Variants in CCDC63 observed in about 807,000 individuals in gnomAD.
CCDC63 encodes coiled-coil domain containing 63.
Under a neutral mutation model 63.6 loss-of-function variants are expected in CCDC63, and 54 were observed. That is an observed-to-expected ratio of 0.85 (90% CI 0.68 to 1.07). The LOEUF (loss-of-function observed/expected upper bound fraction) is 1.07, where lower values mean the gene tolerates loss of function less well. CCDC63 is among the 50% of genes least tolerant of loss of function. CCDC63 has a pLI of 0.00. For missense variants in CCDC63, 637 were observed against 689.6 expected (o/e 0.92, Z 0.86); for synonymous variants, 253 against 266.1 (o/e 0.95, Z 0.48).
intron 1 of CCDC63, among the ~76,000 whole-genome samples, chr12:110,852,252 G>T (rs2070713225): frequency 6.6e-6 from 1 of 152,206 alleles, no homozygotes; most frequent in African/African-American, 2.4e-5. Context: ...GGGACACACT[G>T]CCCCGATGCC....
At position 110,852,778 on chromosome 12, in the gene CCDC63, G is replaced by A. The variant is rs532955443; in HGVS notation, c.-96-81G>A. On this transcript the variant is annotated intron_variant, in intron 1 of 11. Transcript: ENST00000308208. ...TGTGGGTGGAGGAAGGGATGGCAGG[G>A]GGAGGGAGGAGGTGCCGTTCTGACC... 13 of 835,880 alleles carry A rather than the reference G, an allele frequency of 1.6e-5. No individual in the cohort carries two copies. In the South Asian group the frequency reaches 1.9e-4, roughly 12 times the overall value. 51.8% of individuals were successfully genotyped at this position (835,880 alleles called of 1,614,324 possible). A position where few individuals can be genotyped will look rare whatever the true frequency, so the allele number is the denominator to read the frequency against.
At chr12:110,851,584 A>C (rs1394799094) in intron 1 of CCDC63, among the ~76,000 whole-genome samples, 1 of 151,948 alleles carries the variant, frequency 6.6e-6, no homozygotes, top group Non-Finnish European at 1.5e-5. Flanking sequence ...CGGATGCCCC[A>C]ATCTTGAAGG....
intron 4 of CCDC63, among the ~76,000 whole-genome samples, chr12:110,871,616 G>A (rs903213529): frequency 6.7e-6 from 1 of 148,970 alleles, no homozygotes; most frequent in Non-Finnish European, 1.5e-5. Context: ...CAAGACTGGA[G>A]TGCAGTGGTG....
intron 4 of CCDC63, among the ~76,000 whole-genome samples, chr12:110,868,993 G>A (rs2136676058): frequency 6.6e-6 from 1 of 152,262 alleles, no homozygotes; most frequent in African/African-American, 2.4e-5. Context: ...CAGCCCACTA[G>A]TGTAGATTTT....
At chr12:110,856,844 C>CTTTTTTTT (rs34855503) in intron 3 of CCDC63, among the ~76,000 whole-genome samples, 1 of 115,550 alleles carries the variant, frequency 8.7e-6, no homozygotes. Context: ...CCTTTCCTTT[C>CTTTTTTTT]TTTTTTTTTT....
In CCDC63 at chr12:110,896,285, C is replaced by T. The variant is rs762796171; in HGVS notation, c.1150-2648C>T. Among the ~76,000 whole-genome samples the T allele has an allele frequency of 3.8e-4, 58 of 152,084 alleles. 1 individual carries two copies. Among genetic ancestry groups the T allele is most frequent in the Non-Finnish European group, 7.8e-4 (53 of 68,030 alleles). ...CCTCCTAGTGTGCTGGGATTATAGG[C>T]GTGAGCCACCATGCCTGGCCTAATG... On this transcript the variant is annotated intron_variant, in intron 9 of 11. Coordinates refer to ENST00000308208, the MANE Select transcript of CCDC63 (RefSeq NM_152591.3).
At chr12:110,906,633 G>A (rs775299680) in intron 11 of CCDC63, among the ~76,000 whole-genome samples, 3 of 151,824 alleles carry the variant, frequency 2.0e-5, no homozygotes, top group Non-Finnish European at 4.4e-5. Flanking sequence ...ACAAGCACAC[G>A]TGCACACACA....
At chr12:110,859,120 T>C (rs986995634) in intron 4 of CCDC63, among the ~76,000 whole-genome samples, 3 of 152,210 alleles carry the variant, frequency 2.0e-5, no homozygotes, top group African/African-American at 7.2e-5. Flanking sequence ...TTTAAAACTT[T>C]AAGGTTTCTT....
At chr12:110,862,868 G>A (rs1174386504) in intron 4 of CCDC63, among the ~76,000 whole-genome samples, 2 of 151,406 alleles carry the variant, frequency 1.3e-5, no homozygotes, top group Non-Finnish European at 1.5e-5. Context: ...CAATCCTCCT[G>A]CCTCAGCCTC....
At chr12:110,846,517 T>TCC (rs202164177), upstream of CCDC63, among the ~76,000 whole-genome samples, 3 of 150,548 alleles carry the variant, frequency 2.0e-5, no homozygotes, top group African/African-American at 7.4e-5. Flanking sequence ...AATATCTCTT[T>TCC]CCCCCCCCGC....
intron 11 of CCDC63, 151 bp downstream of exon 11, chr12:110,904,942 G>T: frequency 1.8e-6 from 1 of 554,332 alleles, no homozygotes; most frequent in Non-Finnish European, 3.0e-6. Flanking sequence ...AGTTCCCTTG[G>T]GTGCCATCTT....
chr12:110,849,773 A>G (rs1415698653), intron 1 of CCDC63, among the ~76,000 whole-genome samples: 1 of 152,168 alleles, frequency 6.6e-6, no homozygotes, highest in Non-Finnish European at 1.5e-5. Flanking sequence ...TGCTGGGATT[A>G]CAGGCATGAG....
At chr12:110,851,988 A>G (rs1593633165) in intron 1 of CCDC63, among the ~76,000 whole-genome samples, 1 of 152,178 alleles carries the variant, frequency 6.6e-6, no homozygotes, top group Non-Finnish European at 1.5e-5. Flanking sequence ...AGGACCCTCA[A>G]TGGTGGCAAA....
At chr12:110,855,507 A>G (rs1040476407) in intron 3 of CCDC63, among the ~76,000 whole-genome samples, 1 of 152,168 alleles carries the variant, frequency 6.6e-6, no homozygotes, top group Non-Finnish European at 1.5e-5. Flanking sequence ...AAGTCAATCC[A>G]TTTGATCTGG....
intron 5 of CCDC63, among the ~76,000 whole-genome samples, chr12:110,879,551 G>T (rs2071171783): frequency 6.6e-6 from 1 of 152,032 alleles, no homozygotes; most frequent in African/African-American, 2.4e-5. Flanking sequence ...CAAGTCAATT[G>T]TCCTGTAGAA....
At chr12:110,878,977 A>G (rs1264845605) in intron 5 of CCDC63, among the ~76,000 whole-genome samples, 1 of 152,244 alleles carries the variant, frequency 6.6e-6, no homozygotes, top group Non-Finnish European at 1.5e-5. Context: ...CTTTGATTTA[A>G]TAACTGTTAA....
intron 4 of CCDC63, among the ~76,000 whole-genome samples, chr12:110,865,143 C>T (rs187662533): frequency 1.1e-4 from 17 of 152,306 alleles, no homozygotes; most frequent in Admixed American, 1.0e-3. Context: ...GGGTTTCTCA[C>T]GGTGGCCTTG....
chr12:110,903,256 GC>G (rs894912957), intron 10 of CCDC63, among the ~76,000 whole-genome samples: 1 of 152,194 alleles, frequency 6.6e-6, no homozygotes, highest in Admixed American at 6.5e-5. Flanking sequence ...ACCTGCCTCA[GC>G]CTCCCAAAGT....
chr12:110,861,574 A>T (rs2070853515), intron 4 of CCDC63, among the ~76,000 whole-genome samples: 1 of 151,080 alleles, frequency 6.6e-6, no homozygotes, highest in South Asian at 2.1e-4. Flanking sequence ...CTCAGCTCAA[A>T]TGCTCTTTTT....
Sources: allele counts gnomAD v4.1 joint callset (sites outside exome capture counted in the v4.1 genomes callset), GRCh38; gene constraint gnomAD v4.1.1; transcripts MANE v1.5; gene names NCBI Gene and HGNC (gene_info 2026-07-23, HGNC 2026-07-21).